UBAP2: variants seen among roughly 807,000 people sequenced by gnomAD.
The protein encoded by UBAP2 is ubiquitin-associated protein 2.
Under a neutral mutation model 139.6 loss-of-function variants are expected in UBAP2, and 75 were observed. The ratio of observed to expected loss-of-function variants is 0.54; its 90% CI spans 0.45 to 0.65. UBAP2 has a LOEUF of 0.65. Ranked by LOEUF, UBAP2 falls within the 30% of genes least tolerant of loss-of-function variation. UBAP2 has a pLI of 0.00. For missense variants in UBAP2, 1,368 were observed against 1,369.6 expected, an observed-to-expected ratio of 1.00 and a Z score of 0.02; for synonymous variants, 526 against 526.2, an observed-to-expected ratio of 1.00 and a Z score of 0.01.
intron 16 of UBAP2, among the ~76,000 whole-genome samples, chr9:33,937,992 CTTTTGTTT>C (rs928411198): frequency 3.3e-5 from 5 of 151,942 alleles, no homozygotes; most frequent in African/African-American, 7.3e-5. Flanking sequence ...TGGGGGGTTT[CTTTTGTTT>C]TTTTGTTTTT....
At chr9:33,979,410 T>C (rs979619122) in intron 6 of UBAP2, among the ~76,000 whole-genome samples, 1 of 152,146 alleles carries the variant, frequency 6.6e-6, no homozygotes, top group African/African-American at 2.4e-5. Flanking sequence ...ATCCCGTCTC[T>C]ACTGAAAATA....
rs553402603 is a variant in UBAP2, at chr9:33,942,267, G to C, written c.1716-405C>G. Among the ~76,000 whole-genome samples the C allele has an allele frequency of 2.6e-5, 4 of 152,086 alleles. No homozygotes were observed. The South Asian group carries it at 8.3e-4, about 32-fold the overall frequency. On this transcript the variant is annotated intron_variant, in intron 15 of 28. Coordinates refer to ENST00000379238, the MANE Select transcript of UBAP2 (RefSeq NM_001370062.2). ...GCAGAGGTTGCAGTGAACCAAGATC[G>C]CGCCACTGCACTCCAGCCTGGCGAC...
intron 5 of UBAP2, 91 bp from the exon 6 acceptor site, chr9:33,986,928 T>A: frequency 9.0e-7 from 1 of 1,106,602 alleles, no homozygotes; most frequent in East Asian, 2.4e-5. Context: ...AAAGAAGGAA[T>A]GACAAACAGG....
chr9:34,028,806 GA>G (rs1000201762), intron 1 of UBAP2, among the ~76,000 whole-genome samples: 40 of 145,062 alleles, frequency 2.8e-4, no homozygotes, highest in East Asian at 1.2e-3. Context: ...CTACAAAAAG[GA>G]AAAAAAAAAG....
chr9:33,933,083 C>A (rs1824136574), intron 18 of UBAP2, among the ~76,000 whole-genome samples: 1 of 152,180 alleles, frequency 6.6e-6, no homozygotes, highest in Non-Finnish European at 1.5e-5. Context: ...ACACCTTGTT[C>A]TAATAACATC....
chr9:33,957,980 C>T (rs1225322343), intron 10 of UBAP2, among the ~76,000 whole-genome samples: 1 of 151,802 alleles, frequency 6.6e-6, no homozygotes, highest in Non-Finnish European at 1.5e-5. Context: ...GGGAGACAGA[C>T]CTTAGTCTGT....
intron 1 of UBAP2, among the ~76,000 whole-genome samples, chr9:34,048,383 G>A (rs1388849505): frequency 1.3e-5 from 2 of 152,196 alleles, no homozygotes; most frequent in South Asian, 4.1e-4. Flanking sequence ...GCATAAGTTG[G>A]GGCTATAACA....
intron 1 of UBAP2, among the ~76,000 whole-genome samples, chr9:34,040,542 T>C (rs940330959): frequency 6.6e-6 from 1 of 152,040 alleles, no homozygotes; most frequent in Non-Finnish European, 1.5e-5. Context: ...GCCCAGGAGT[T>C]CACGACCAGC....
At chr9:33,947,150 C>G (rs934037562) in intron 13 of UBAP2, among the ~76,000 whole-genome samples, 1 of 152,194 alleles carries the variant, frequency 6.6e-6, no homozygotes, top group Non-Finnish European at 1.5e-5. Context: ...ACTTTGGGCA[C>G]TGAGTCTCTA....
intron 8 of UBAP2, chr9:33,968,200 C>A (rs537414112): frequency 1.6e-6 from 1 of 615,720 alleles, no homozygotes; most frequent in Admixed American, 1.9e-5. Flanking sequence ...TTGGTGCATT[C>A]GATTGGTACA....
chr9:33,990,321 C>T (rs867488347), intron 4 of UBAP2, among the ~76,000 whole-genome samples: 1 of 152,118 alleles, frequency 6.6e-6, no homozygotes, highest in East Asian at 1.9e-4. Context: ...AACATTAGCA[C>T]TGGAAATTAA....
chr9:34,006,637 G>C, intron 2 of UBAP2, among the ~76,000 whole-genome samples: 1 of 152,018 alleles, frequency 6.6e-6, no homozygotes, highest in East Asian at 1.9e-4. Context: ...GAGCATGACC[G>C]TGCCACTGCA....
At chr9:34,035,189 C>T (rs925912676) in intron 1 of UBAP2, among the ~76,000 whole-genome samples, 1 of 151,878 alleles carries the variant, frequency 6.6e-6, no homozygotes, top group African/African-American at 2.4e-5. Context: ...CTCATTCTTT[C>T]ATCTGTCTCT....
At chr9:33,988,318 CA>C (rs1398900204) in intron 5 of UBAP2, among the ~76,000 whole-genome samples, 2 of 152,076 alleles carry the variant, frequency 1.3e-5, no homozygotes, top group African/African-American at 4.8e-5. Context: ...TATGAGACAG[CA>C]AGAGTCTCAG....
intron 12 of UBAP2, among the ~76,000 whole-genome samples, chr9:33,951,978 C>T (rs1826141807): frequency 6.6e-6 from 1 of 152,194 alleles, no homozygotes; most frequent in Non-Finnish European, 1.5e-5. Flanking sequence ...CAAGCACTGA[C>T]ACCACCTCAT....
Position 33,922,433 on chromosome 9 carries a change from C to T in UBAP2, c.*71G>A, listed in dbSNP as rs1268036308. 1 of 1,491,648 alleles carries T rather than the reference C, an allele frequency of 6.7e-7. No individual in the cohort carries two copies. The highest frequency in any genetic ancestry group is 9.2e-7 in the Non-Finnish European group (1 of 1,087,954). 92.4% of individuals were successfully genotyped at this position (1,491,648 alleles called of 1,614,324 possible). On this transcript the variant is annotated 3_prime_UTR_variant, in exon 29 of 29. Coordinates refer to ENST00000379238, the MANE Select transcript of UBAP2 (RefSeq NM_001370062.2). ...AATTCTAGGAAAGGGCACTGGGCTC[C>T]CAAATACGTGCTCGTGTGTTCTCTC...
chr9:33,959,896 A>G (rs1826893808), intron 10 of UBAP2, among the ~76,000 whole-genome samples: 8 of 152,080 alleles, frequency 5.3e-5, no homozygotes. Flanking sequence ...CAAAACACAG[A>G]TAAGCTTAAA....
At position 33,926,993 on chromosome 9, in the gene UBAP2, T is replaced by C. The variant is rs2130861461; in HGVS notation, c.2459A>G (p.Tyr820Cys). ...GGAGTTCCGCCATACACTCACCGGG[T>C]AGGCAGGAAGCAGTCCTCCGGGACC... ...LVGPGGLLPA[Y>C]PIYGYDELQM... Residue 820 changes from tyrosine to cysteine, a missense_variant, in exon 21 of 29, where the codon TAC becomes TGC. Coordinates refer to ENST00000379238, the MANE Select transcript of UBAP2 (RefSeq NM_001370062.2). The C allele has an allele frequency of 1.9e-6, 3 of 1,613,568 alleles. No homozygotes were observed. Among genetic ancestry groups the C allele is most frequent in the Non-Finnish European group, 2.5e-6 (3 of 1,179,718 alleles).
intron 12 of UBAP2, among the ~76,000 whole-genome samples, chr9:33,951,892 ACT>A (rs757231806): frequency 1.3e-5 from 2 of 152,114 alleles, no homozygotes; most frequent in Admixed American, 6.5e-5. Context: ...GGAGGAAAAG[ACT>A]CTGGTGCGTC....
Sources: gnomAD v4.1 joint callset for allele counts (sites outside exome capture counted in the v4.1 genomes callset) on GRCh38, gnomAD v4.1.1 for gene constraint, MANE v1.5 for transcripts, NCBI Gene and HGNC (gene_info 2026-07-23, HGNC 2026-07-21) for gene names.